The following AMPD3 variants were observed in gnomAD, a reference collection of about 807,000 sequenced individuals.
AMPD3 encodes the protein AMP deaminase 3.
In AMPD3, 57 loss-of-function variants were observed where a neutral mutation model predicts 82.3. That is an observed-to-expected ratio of 0.69 (90% CI 0.56 to 0.86). The LOEUF is 0.86. Among genes scored for constraint, AMPD3 ranks in the 40% least tolerant of loss-of-function variants. The pLI, the probability that AMPD3 is intolerant of heterozygous loss-of-function variation, is 0.00. For synonymous variants in AMPD3, 381 were observed against 394.7 expected, an observed-to-expected ratio of 0.97 and a Z score of 0.41; for missense variants, 870 against 1,003.8, an observed-to-expected ratio of 0.87 and a Z score of 1.80.
rs1339254914 is a variant in AMPD3, at chr11:10,482,149, C to A, written c.513C>A (p.His171Gln). 6.2e-7 allele frequency: 1 copy of A among 1,614,080 alleles called. No homozygotes were observed. Among genetic ancestry groups the A allele is most frequent in the Non-Finnish European group, 8.5e-7 (1 of 1,180,032 alleles). ...IREKYARLAY[H>Q]RFPRITSQYL... is the part of the protein sequence containing the mutation. ...AGAAGTATGCGCGGCTCGCCTACCA[C>A]CGCTTCCCGCGGATCACATCCCAGT... Residue 171 changes from histidine to glutamine, a missense_variant, in exon 4 of 15, where the codon CAC becomes CAA. His to Gln is a conservative substitution (Grantham distance 24). Transcript: ENST00000396553.
chr11:10,450,567 A>G (rs1847934707), upstream of AMPD3: 2 of 986,576 alleles, frequency 2.0e-6, no homozygotes, highest in African/African-American at 3.5e-5. Flanking sequence ...GGGCCAGCGC[A>G]GTTGAGGTCT....
In AMPD3 at chr11:10,481,472, T is replaced by C. The variant is rs75153230; in HGVS notation, c.427-591T>C. 2.1e-4 allele frequency: 210 copies of C among 985,426 alleles called. No individual in the cohort carries two copies. The African/African-American group carries it at 3.3e-3, about 15-fold the overall frequency. The allele number at this position is 985,426 out of a possible 1,614,324, so 61.0% of individuals were successfully genotyped here. A position where few individuals can be genotyped will look rare whatever the true frequency, so the allele number is the denominator to read the frequency against. On this transcript the variant is annotated intron_variant, in intron 3 of 14. Transcript: ENST00000396553. ...CTTCTGGGTGTGCAGGCTGGAGCAC[T>C]TGTCTGTCTTCCAACGACCCTAACT...
At chr11:10,504,033 G>T (rs1849647551) in intron 13 of AMPD3, 1 of 983,914 alleles carries the variant, frequency 1.0e-6, no homozygotes, top group Non-Finnish European at 1.2e-6. Context: ...GATCATTCTG[G>T]GATTACACCA....
chr11:10,466,091 A>G lies in AMPD3; in HGVS notation c.221+4351A>G, dbSNP rs553396375. Among the ~76,000 whole-genome samples the G allele has an allele frequency of 2.2e-4, 34 of 152,120 alleles. No individual in the cohort carries two copies. In the South Asian group the frequency reaches 6.8e-3, roughly 31 times the overall value. ...AGCCTGGCCAACATGGTGAAACCTCATCTCTACTAAAAATACAAAGATTAG... is the reference window on the plus strand; with the variant it reads ...AGCCTGGCCAACATGGTGAAACCTCGTCTCTACTAAAAATACAAAGATTAG... On this transcript the variant is annotated intron_variant, in intron 2 of 14. Transcript: ENST00000396553.
intron 11 of AMPD3, 175 bp from the exon 12 acceptor site, chr11:10,501,295 C>A (rs370659725): frequency 1.0e-6 from 1 of 985,222 alleles, no homozygotes; most frequent in African/African-American, 1.7e-5. Context: ...TTCTAAGGGG[C>A]CCCAGGGCCT....
intron 1 of AMPD3, among the ~76,000 whole-genome samples, chr11:10,458,963 G>C (rs1387233192): frequency 6.6e-6 from 1 of 152,140 alleles, no homozygotes; most frequent in Admixed American, 6.5e-5. Flanking sequence ...TGAGGATCCA[G>C]TTTCGTTTCA....
At chr11:10,488,190 T>C in intron 6 of AMPD3, 1 of 985,324 alleles carries the variant, frequency 1.0e-6, no homozygotes, top group Non-Finnish European at 1.2e-6. Context: ...GCAACTGCGG[T>C]AGGAGCGAAG....
At chr11:10,488,545 G>A in intron 6 of AMPD3, 1 of 467,270 alleles carries the variant, frequency 2.1e-6, no homozygotes, top group Non-Finnish European at 2.8e-6. Context: ...GGCATTGGGA[G>A]CGGGGAGCAG....
At chr11:10,464,486 G>A (rs960059227) in intron 2 of AMPD3, among the ~76,000 whole-genome samples, 2 of 152,176 alleles carry the variant, frequency 1.3e-5, no homozygotes, top group African/African-American at 4.8e-5. Context: ...TAGGGGTGGA[G>A]TCTTCGGTTC....
rs762116625 is a variant in AMPD3 at position 10,495,602 on chromosome 11, C to T, written c.1299C>T (p.Tyr433=). 6.8e-6 allele frequency: 11 copies of T among 1,613,330 alleles called. 1 individual carries two copies. The South Asian group carries it at 1.2e-4, about 18-fold the overall frequency. Residue 433 remains tyrosine, a synonymous_variant, in exon 9 of 15, where the codon TAC becomes TAT. Transcript: ENST00000396553. ...EVARELEESK[Y]QYSEPRLSIY... is the part of the protein sequence containing the mutation. ...CCCGGGAGCTGGAGGAGAGCAAGTA[C>T]CAGTACTCAGAGCCACGGCTCTCCA...
chr11:10,500,164 G>A lies in AMPD3; in HGVS notation c.1636G>A (p.Val546Ile), dbSNP rs768121776. ...MFSDKSPNPD[V>I]WTSEQNPPYS... ...TTCCGACAAGAGCCCAAACCCGGAC[G>A]TCTGGACCAGTGAGCAGAACCCACC... is the stretch of plus-strand genomic sequence containing the variant. The change falls in exon 11 of 15, where the codon GTC (valine) becomes ATC (isoleucine). Residue 546 changes from valine to isoleucine, a missense_variant. Coordinates refer to ENST00000396553, the MANE Select transcript of AMPD3 (RefSeq NM_001025389.2). 40 of 1,614,050 alleles carry A rather than the reference G, an allele frequency of 2.5e-5. No homozygotes were observed. In the Admixed American group the frequency reaches 3.8e-4, roughly 15 times the overall value.
upstream of AMPD3, chr11:10,451,137 G>A: frequency 1.3e-6 from 2 of 1,512,776 alleles, no homozygotes; most frequent in Non-Finnish European, 1.8e-6. Flanking sequence ...GGTCTGAACC[G>A]CGGCTTCCGC....
upstream of AMPD3, chr11:10,451,059 G>A (rs1247514762): frequency 1.3e-6 from 2 of 1,571,494 alleles, no homozygotes; most frequent in South Asian, 2.3e-5. Flanking sequence ...TGCGCGCGAG[G>A]CTGCGCTGCT....
intron 13 of AMPD3, among the ~76,000 whole-genome samples, 158 bp downstream of exon 13, chr11:10,503,052 G>A (rs1591488442): frequency 6.6e-6 from 1 of 152,196 alleles, no homozygotes; most frequent in East Asian, 1.9e-4. Flanking sequence ...GGGGAAAATT[G>A]TGCCATCCAG....
At chr11:10,455,914 C>A (rs981142928) in intron 1 of AMPD3, 2 of 985,214 alleles carry the variant, frequency 2.0e-6, no homozygotes, top group Non-Finnish European at 2.4e-6. Context: ...ACGTTCAGAA[C>A]GGAAGCAGCA....
intron 1 of AMPD3, among the ~76,000 whole-genome samples, chr11:10,459,675 G>A (rs780568223): frequency 6.6e-6 from 1 of 152,134 alleles, no homozygotes; most frequent in African/African-American, 2.4e-5. Flanking sequence ...CCCAACGAGG[G>A]TGGCTTGTCG....
At chr11:10,496,746 G>A (rs186478533) in intron 9 of AMPD3, 66 bp from the exon 10 acceptor site, 745 of 1,612,962 alleles carry the variant, frequency 4.6e-4, no homozygotes, top group Non-Finnish European at 6.0e-4. Flanking sequence ...AGTGACTGGG[G>A]CTGGTCTCTG....
At chr11:10,480,391 C>T (rs1429668484) in intron 3 of AMPD3, among the ~76,000 whole-genome samples, 1 of 152,146 alleles carries the variant, frequency 6.6e-6, no homozygotes, top group Admixed American at 6.5e-5. Context: ...GTCTGCTCAC[C>T]TATTCCTGCC....
At position 10,496,830 on chromosome 11, in the gene AMPD3, G is replaced by C; in HGVS notation, c.1449G>C (p.Lys483Asn). ...CCCCCAGTGACATATTTAGGTCAAA[G>C]AAGCTGCTGCCAAACTTTGGGAAGA... ...VPRIYDIFRS[K>N]KLLPNFGKML... Residue 483 changes from lysine to asparagine, a missense_variant, in exon 10 of 15, where the codon AAG becomes AAC. By Grantham distance (94) the Lys-to-Asn change is moderately conservative (BLOSUM62 0). Coordinates refer to ENST00000396553, the MANE Select transcript of AMPD3 (RefSeq NM_001025389.2). The C allele has an allele frequency of 6.2e-7, 1 of 1,614,190 alleles. No individual in the cohort carries two copies.
Sources: gnomAD v4.1 joint callset for allele counts (sites outside exome capture counted in the v4.1 genomes callset) on GRCh38, gnomAD v4.1.1 for gene constraint, MANE v1.5 for transcripts, NCBI Gene and HGNC (gene_info 2026-07-23, HGNC 2026-07-21) for gene names.